The following FSIP1 variants were observed in gnomAD, a reference collection of about 807,000 sequenced individuals.
FSIP1 encodes the protein fibrous sheath interacting protein 1.
Under a neutral mutation model 60.9 loss-of-function variants are expected in FSIP1, and 65 were observed. That is an observed-to-expected ratio of 1.07 (90% confidence interval 0.87 to 1.31). The LOEUF (loss-of-function observed/expected upper bound fraction) is 1.31. FSIP1 is among the 40% of genes most tolerant of loss of function. FSIP1 has a pLI of 0.00. For synonymous variants in FSIP1, 209 were observed against 221.2 expected (o/e 0.94, Z 0.49); for missense variants, 675 against 665.5 (o/e 1.01, Z -0.16).
chr15:39,670,846 G>A (rs751793247), intron 10 of FSIP1, among the ~76,000 whole-genome samples: 3 of 152,152 alleles, frequency 2.0e-5, no homozygotes, highest in Non-Finnish European at 2.9e-5. Context: ...AAGCACTTAC[G>A]CAACATTTTT....
chr15:39,752,653 T>C (rs1448290606), intron 5 of FSIP1, among the ~76,000 whole-genome samples: 1 of 151,608 alleles, frequency 6.6e-6, no homozygotes, highest in Non-Finnish European at 1.5e-5. Context: ...TCATTAAAAA[T>C]AAAAAAAGTC....
At chr15:39,730,215 T>G (rs577040787) in intron 8 of FSIP1, among the ~76,000 whole-genome samples, 3 of 152,210 alleles carry the variant, frequency 2.0e-5, no homozygotes, top group South Asian at 4.2e-4. Flanking sequence ...GATAATGAAT[T>G]GTTTGGGACC....
At chr15:39,603,464 C>T (rs567608879) in intron 11 of FSIP1, among the ~76,000 whole-genome samples, 4 of 152,332 alleles carry the variant, frequency 2.6e-5, no homozygotes, top group East Asian at 1.9e-4. Context: ...GGAACAGACT[C>T]AGTATAGCTT....
chr15:39,643,334 T>C (rs974112121), intron 10 of FSIP1, among the ~76,000 whole-genome samples: 1 of 152,164 alleles, frequency 6.6e-6, no homozygotes, highest in Non-Finnish European at 1.5e-5. Flanking sequence ...AAAACTGAAA[T>C]TGTTAGAGAA....
rs886501245 is a variant in FSIP1 at position 39,668,224 on chromosome 15, G to A, written c.1188+45220C>T. ...TTTCCAAAAAAAAAAAAAAAACCTGGCCCGTAATAAGCATTCCATGAATAT... is the reference window on the plus strand; with the variant it reads ...TTTCCAAAAAAAAAAAAAAAACCTGACCCGTAATAAGCATTCCATGAATAT... On this transcript the variant is annotated intron_variant, in intron 10 of 11. Coordinates refer to ENST00000350221, the MANE Select transcript of FSIP1 (RefSeq NM_152597.5). 4.7e-4 allele frequency among the ~76,000 whole-genome samples: 70 copies of A among 148,576 alleles called. 1 individual carries two copies. The highest frequency in any genetic ancestry group is 1.6e-3 in the African/African-American group (66 of 40,498).
At chr15:39,643,570 T>C (rs1187550507) in intron 10 of FSIP1, among the ~76,000 whole-genome samples, 2 of 152,198 alleles carry the variant, frequency 1.3e-5, no homozygotes, top group Non-Finnish European at 2.9e-5. Context: ...TGATCAGAAA[T>C]AAGCCTGCCA....
At chr15:39,781,031 T>C (rs909337072) in intron 1 of FSIP1, among the ~76,000 whole-genome samples, 2 of 152,242 alleles carry the variant, frequency 1.3e-5, no homozygotes, top group Non-Finnish European at 2.9e-5. Flanking sequence ...CTTCAAAAGA[T>C]GTTAAGACAA....
chr15:39,777,198 TC>T (rs949056157), intron 1 of FSIP1, among the ~76,000 whole-genome samples: 4 of 151,862 alleles, frequency 2.6e-5, no homozygotes, highest in African/African-American at 9.7e-5. Flanking sequence ...TCTCCCAAAG[TC>T]CCCCTGCTAC....
intron 5 of FSIP1, among the ~76,000 whole-genome samples, chr15:39,750,252 A>C (rs1035147671): frequency 6.6e-6 from 1 of 151,996 alleles, no homozygotes; most frequent in African/African-American, 2.4e-5. Flanking sequence ...AGCAACCACT[A>C]TCAAAATCCC....
chr15:39,670,406 A>C (rs1308606820), intron 10 of FSIP1, among the ~76,000 whole-genome samples: 2 of 152,242 alleles, frequency 1.3e-5, no homozygotes, highest in Non-Finnish European at 2.9e-5. Context: ...ATACTCCTAC[A>C]TATTAAAAAT....
chr15:39,776,192 GA>G (rs1160907734), intron 2 of FSIP1, among the ~76,000 whole-genome samples: 2 of 53,492 alleles, frequency 3.7e-5, no homozygotes, highest in Non-Finnish European at 4.2e-5. Flanking sequence ...GCGGAGGGAG[GA>G]GAGAGAGGGA....
intron 8 of FSIP1, among the ~76,000 whole-genome samples, chr15:39,730,421 G>A (rs1157455024): frequency 6.6e-6 from 1 of 152,192 alleles, no homozygotes; most frequent in East Asian, 1.9e-4. Flanking sequence ...GCAAAAAGAG[G>A]ACAGAAGAAT....
At chr15:39,741,951 G>A (rs1896819096) in intron 5 of FSIP1, 51 bp from the exon 6 acceptor site, 1 of 966,768 alleles carries the variant, frequency 1.0e-6, no homozygotes, top group Admixed American at 1.9e-5. Flanking sequence ...AAATTAAGTA[G>A]TTGTCTACAA....
At chr15:39,692,300 G>A (rs553478480) in intron 10 of FSIP1, among the ~76,000 whole-genome samples, 16 of 152,282 alleles carry the variant, frequency 1.1e-4, no homozygotes, top group African/African-American at 3.9e-4. Flanking sequence ...GCTTATGTGT[G>A]AAATGCTTTG....
Position 39,667,553 on chromosome 15 carries a change from G to A in FSIP1, c.1188+45891C>T, listed in dbSNP as rs538486616. 2.8e-4 allele frequency among the ~76,000 whole-genome samples: 43 copies of A among 152,286 alleles called. No individual in the cohort carries two copies. The East Asian group carries it at 6.4e-3, about 23-fold the overall frequency. ...GGACCGTGCTTGGCAACTGTAAGCC[G>A]AAACAGACCCAGTCACTGCCCTTCT... On this transcript the variant is annotated intron_variant, in intron 10 of 11. Coordinates refer to ENST00000350221, the MANE Select transcript of FSIP1 (RefSeq NM_152597.5).
chr15:39,759,557 T>C (rs1383397038), intron 5 of FSIP1, among the ~76,000 whole-genome samples: 2 of 152,326 alleles, frequency 1.3e-5, no homozygotes, highest in East Asian at 1.9e-4. Context: ...ATTTCTCTTC[T>C]AGGAATGTAT....
intron 11 of FSIP1, among the ~76,000 whole-genome samples, chr15:39,606,118 A>G (rs1890815003): frequency 6.6e-6 from 1 of 152,154 alleles, no homozygotes. Context: ...TTGAGTAACT[A>G]ATCTGCTCTT....
intron 5 of FSIP1, among the ~76,000 whole-genome samples, chr15:39,759,167 A>G (rs1897401897): frequency 1.3e-5 from 2 of 152,100 alleles, no homozygotes; most frequent in South Asian, 4.1e-4. Context: ...GAAATGACTA[A>G]CTAGAGCAAG....
At chr15:39,745,922 T>G (rs1369782591) in intron 5 of FSIP1, among the ~76,000 whole-genome samples, 4 of 151,880 alleles carry the variant, frequency 2.6e-5, no homozygotes, top group African/African-American at 9.7e-5. Flanking sequence ...TCTACAGAAA[T>G]TTAAACATTA....
Sources: gnomAD v4.1 joint callset for allele counts (sites outside exome capture counted in the v4.1 genomes callset) on GRCh38, gnomAD v4.1.1 for gene constraint, MANE v1.5 for transcripts, NCBI Gene and HGNC (gene_info 2026-07-23, HGNC 2026-07-21) for gene names.